ISM1: variants seen among roughly 807,000 people sequenced by gnomAD.
The protein encoded by ISM1 is isthmin-1.
A neutral mutation model predicts 46.3 loss-of-function variants in ISM1; 25 were observed. The observed-to-expected ratio is 0.54, with a 90% CI of 0.39 to 0.75. The LOEUF (loss-of-function observed/expected upper bound fraction) is 0.75, where lower values mean the gene tolerates loss of function less well. ISM1 is among the 30% of genes least tolerant of loss of function. ISM1 has a pLI of 0.00. For missense variants in ISM1, 536 were observed against 625.4 expected, an observed-to-expected ratio of 0.86 and a Z score of 1.52; for synonymous variants, 255 against 256.7, an observed-to-expected ratio of 0.99 and a Z score of 0.06.
chr20:13,294,501 G>A (rs2040387521), intron 5 of ISM1, among the ~76,000 whole-genome samples: 1 of 152,220 alleles, frequency 6.6e-6, no homozygotes, highest in Non-Finnish European at 1.5e-5. Flanking sequence ...GCAGCATCTA[G>A]CTGCTTTGCA....
At chr20:13,262,457 T>C (rs757756837) in intron 1 of ISM1, among the ~76,000 whole-genome samples, 2 of 152,004 alleles carry the variant, frequency 1.3e-5, no homozygotes, top group Admixed American at 6.5e-5. Context: ...GGGTTTGTTT[T>C]TCTTTTTCTT....
the ISM1 span, among the ~76,000 whole-genome samples, chr20:13,314,822 T>C: frequency 2.0e-5 from 3 of 152,236 alleles, no homozygotes; most frequent in South Asian, 2.1e-4. Flanking sequence ...CATATCTATA[T>C]CTATCTATAT....
Position 13,288,554 on chromosome 20 carries a change from G to A in ISM1, c.658G>A (p.Glu220Lys), listed in dbSNP as rs767614444. ...DQPEYDSTDG[E>K]GDWSLWSVCS... ...CTGTCTTCCAGATTCCACAGATGGCGAGGGTGACTGGAGTCTCTGGTCTGT... is the reference window on the plus strand; with the variant it reads ...CTGTCTTCCAGATTCCACAGATGGCAAGGGTGACTGGAGTCTCTGGTCTGT... The change falls in exon 4 of 6, where the codon GAG becomes AAG. Residue 220 changes from glutamate (E) to lysine (K), a missense_variant. Physicochemically the swap from Glu to Lys is moderately conservative, Grantham distance 56. Around this residue, in one of 2 missense-constraint regions of ISM1, gnomAD observed 367 missense variants for 376.1 expected, o/e 0.98. Coordinates refer to ENST00000262487, the MANE Select transcript of ISM1 (RefSeq NM_080826.2). 22 of 1,613,712 alleles carry A rather than the reference G, an allele frequency of 1.4e-5. No individual in the cohort carries two copies. Among genetic ancestry groups the A allele is most frequent in the South Asian group, 6.6e-5 (6 of 91,076 alleles).
At chr20:13,253,516 A>C (rs934600123) in intron 1 of ISM1, among the ~76,000 whole-genome samples, 2 of 152,172 alleles carry the variant, frequency 1.3e-5, no homozygotes, top group African/African-American at 2.4e-5. Context: ...CTTACCGACT[A>C]TCAGCCACTG....
downstream of ISM1, among the ~76,000 whole-genome samples, chr20:13,302,632 G>A (rs1452763150): frequency 2.6e-5 from 4 of 152,152 alleles, no homozygotes; most frequent in African/African-American, 9.7e-5. Flanking sequence ...AAATTCTGTG[G>A]AATTCTAAGG....
intron 3 of ISM1, among the ~76,000 whole-genome samples, chr20:13,284,654 T>A (rs1275111881): frequency 6.6e-6 from 1 of 152,020 alleles, no homozygotes; most frequent in African/African-American, 2.4e-5. Context: ...AAGAGGAGGG[T>A]CTTTGCCGGG....
intron 4 of ISM1, 57 bp from the exon 5 acceptor site, chr20:13,292,317 G>A (rs1568689582): frequency 8.8e-6 from 9 of 1,025,806 alleles, no homozygotes; most frequent in African/African-American, 3.2e-5. Context: ...TTGTTGGGGT[G>A]GGGGAGATAA....
At chr20:13,260,202 C>CAT (rs1419126075) in intron 1 of ISM1, among the ~76,000 whole-genome samples, 2 of 152,194 alleles carry the variant, frequency 1.3e-5, no homozygotes, top group African/African-American at 4.8e-5. Context: ...CACCTCTGGC[C>CAT]ATATGTGGCC....
rs568796369 is a variant in ISM1 at position 13,283,456 on chromosome 20, T to C, written c.643+3558T>C. ...AGAATTTTTAGTAAGAATTTATATA[T>C]TTGTCCGCAAGGATTATTTCTAAAA... is the stretch of plus-strand genomic sequence containing the variant. On this transcript the variant is annotated intron_variant, in intron 3 of 5. Transcript: ENST00000262487. Among the ~76,000 whole-genome samples the C allele has an allele frequency of 1.7e-4, 26 of 152,254 alleles. 1 individual carries two copies. The highest frequency in any genetic ancestry group is 1.5e-3 in the Admixed American group (23 of 15,302).
chr20:13,229,796 C>T (rs2039568063), intron 1 of ISM1, among the ~76,000 whole-genome samples: 1 of 152,136 alleles, frequency 6.6e-6, no homozygotes, highest in Admixed American at 6.5e-5. Flanking sequence ...GCTTCACTTT[C>T]AATTGGTTGC....
chr20:13,239,967 T>G (rs1260665120), intron 1 of ISM1, among the ~76,000 whole-genome samples: 1 of 152,254 alleles, frequency 6.6e-6, no homozygotes, highest in Admixed American at 6.5e-5. Flanking sequence ...ACATCTAAAG[T>G]GCTGGGATCC....
the ISM1 span, among the ~76,000 whole-genome samples, chr20:13,313,502 C>G: frequency 6.6e-6 from 1 of 152,214 alleles, no homozygotes; most frequent in Admixed American, 6.5e-5. Flanking sequence ...CTGTACAACA[C>G]TTTCCTTTTT....
At chr20:13,311,254 T>C in the ISM1 span, among the ~76,000 whole-genome samples, 1 of 135,600 alleles carries the variant, frequency 7.4e-6, no homozygotes, top group South Asian at 2.2e-4. Flanking sequence ...GATAGATAGA[T>C]AGATAGATAG....
chr20:13,295,808 G>A (rs2040401354), intron 5 of ISM1, among the ~76,000 whole-genome samples: 1 of 152,228 alleles, frequency 6.6e-6, no homozygotes, highest in Non-Finnish European at 1.5e-5. Flanking sequence ...ACCACGCTCA[G>A]TCATTGGCTG....
rs1328130521 is a variant in ISM1, at chr20:13,279,693, G to T, written c.438G>T (p.Glu146Asp). 4 of 1,614,014 alleles carry T rather than the reference G, an allele frequency of 2.5e-6. No homozygotes were observed. In the South Asian group the frequency reaches 3.3e-5, roughly 13 times the overall value. The change falls in exon 3 of 6, where the codon GAG becomes GAT. Residue 146 changes from glutamate (E) to aspartate (D), a missense_variant. Around this residue, in one of 2 missense-constraint regions of ISM1, gnomAD observed 367 missense variants for 376.1 expected, o/e 0.98. Transcript: ENST00000262487. ...AAGCAGATAAAGATCAGCATCCGGA[G>T]AATAAGCCCAGCTGGTCAGTCCCAT... ...DSEADKDQHPENKPSWSVPSP... is the reference protein window; with the variant it reads ...DSEADKDQHPDNKPSWSVPSP...
chr20:13,299,103 C>T lies in ISM1; in HGVS notation c.1039C>T (p.Arg347Cys), dbSNP rs768938941. 8.1e-6 allele frequency: 13 copies of T among 1,613,730 alleles called. No individual in the cohort carries two copies. Among genetic ancestry groups the T allele is most frequent in the Non-Finnish European group, 1.1e-5 (13 of 1,179,802 alleles). ...IFDRIKRKDF[R>C]WKDASGPKEK... ...CGACCGCATCAAGCGCAAGGACTTC[C>T]GCTGGAAGGACGCCAGCGGGCCCAA... The change falls in exon 6 of 6, where the codon CGC becomes TGC. Residue 347 changes from arginine (R) to cysteine (C), a missense_variant. Around this residue, in one of 2 missense-constraint regions of ISM1, gnomAD observed 169 missense variants for 249.3 expected, o/e 0.68. Transcript: ENST00000262487. The surrounding 1 kb of genome is among the most constrained non-coding windows in gnomAD (Gnocchi z 5.8).
At chr20:13,295,684 G>A (rs746260346) in intron 5 of ISM1, among the ~76,000 whole-genome samples, 2 of 152,210 alleles carry the variant, frequency 1.3e-5, no homozygotes, top group Non-Finnish European at 2.9e-5. Flanking sequence ...CTTTCAGATC[G>A]AGGTGCATGC....
intron 1 of ISM1, 145 bp downstream of exon 1, chr20:13,222,059 C>A (rs1038666146): frequency 1.1e-5 from 9 of 811,310 alleles, no homozygotes; most frequent in Non-Finnish European, 1.3e-5. Context: ...TTTGCCCGGG[C>A]CACTTGACTT....
chr20:13,252,565 A>G (rs752055381), intron 1 of ISM1, among the ~76,000 whole-genome samples: 22 of 152,142 alleles, frequency 1.4e-4, no homozygotes, highest in Non-Finnish European at 3.2e-4. Context: ...AGCCTGACCA[A>G]CATGGTGAAA....
Sources: gnomAD v4.1 joint callset for allele counts (sites outside exome capture counted in the v4.1 genomes callset) on GRCh38, gnomAD v4.1.1 for gene constraint, gnomAD v4.1.1 regional missense constraint, Gnocchi (gnomAD v3.1) non-coding constraint, MANE v1.5 for transcripts, NCBI Gene and HGNC (gene_info 2026-07-23, HGNC 2026-07-21) for gene names.